GLIS3: variants seen among roughly 807,000 people sequenced by gnomAD.
GLIS3 encodes the protein GLIS family zinc finger 3.
In GLIS3, 53 loss-of-function variants were observed where a neutral mutation model predicts 78.6. The ratio of observed to expected loss-of-function variants is 0.67; its 90% CI spans 0.54 to 0.85. The LOEUF (loss-of-function observed/expected upper bound fraction) is 0.85, where lower values mean the gene tolerates loss of function less well. Among genes scored for constraint, GLIS3 ranks in the 40% least tolerant of loss-of-function variants. The pLI is 0.00. For synonymous variants in GLIS3, 684 were observed against 509.9 expected (o/e 1.34, Z -4.60); for missense variants, 1,703 against 1,231.1 (o/e 1.38, Z -5.74).
chr9:3,885,985 C>T (rs1363747611), intron 7 of GLIS3, among the ~76,000 whole-genome samples: 9 of 152,162 alleles, frequency 5.9e-5, no homozygotes, highest in African/African-American at 1.9e-4. Context: ...TGGACTGTGA[C>T]GAGGATTATA....
intron 4 of GLIS3, among the ~76,000 whole-genome samples, chr9:4,102,519 T>C (rs1280661947): frequency 6.6e-6 from 1 of 152,132 alleles, no homozygotes; most frequent in Non-Finnish European, 1.5e-5. Context: ...TTGTCACTAC[T>C]GAGGGTACAG....
intron 8 of GLIS3, among the ~76,000 whole-genome samples, chr9:3,879,226 A>G (rs549710436): frequency 1.3e-5 from 2 of 152,266 alleles, no homozygotes; most frequent in Non-Finnish European, 2.9e-5. Flanking sequence ...GTATCATTTC[A>G]TTTGTTTTCC....
At chr9:4,102,474 C>A (rs1461629110) in intron 4 of GLIS3, among the ~76,000 whole-genome samples, 1 of 152,160 alleles carries the variant, frequency 6.6e-6, no homozygotes, top group African/African-American at 2.4e-5. Flanking sequence ...CAGTTTTTCT[C>A]CACAGGAGAC....
At chr9:4,314,465 T>C (rs558969744) in intron 2 of GLIS3, among the ~76,000 whole-genome samples, 4 of 152,324 alleles carry the variant, frequency 2.6e-5, no homozygotes, top group African/African-American at 7.2e-5. Context: ...ATGAAGTCAA[T>C]AGGTAAATAC....
At chr9:4,485,145 G>C in the GLIS3 span, among the ~76,000 whole-genome samples, 14 of 152,050 alleles carry the variant, frequency 9.2e-5, no homozygotes, top group East Asian at 2.7e-3. Flanking sequence ...CTCCCGAGTA[G>C]CTGGGATTAC....
chr9:3,865,185 G>C lies in GLIS3; in HGVS notation c.2298-9001C>G, dbSNP rs566261721. ...AACCAAAGACTATTTCTCAGAAAAG[G>C]ACACAAACACAAAAGGTTCATCCAA... On this transcript the variant is annotated intron_variant, in intron 8 of 10. Coordinates refer to ENST00000381971, the MANE Select transcript of GLIS3 (RefSeq NM_001042413.2). Among the ~76,000 whole-genome samples the C allele has an allele frequency of 2.6e-5, 4 of 152,110 alleles. No homozygotes were observed. The East Asian group carries it at 5.8e-4, about 22-fold the overall frequency.
intron 4 of GLIS3, among the ~76,000 whole-genome samples, chr9:3,983,871 T>C (rs940201611): frequency 7.2e-5 from 11 of 152,176 alleles, no homozygotes; most frequent in African/African-American, 2.4e-4. Flanking sequence ...GAAAATGCGA[T>C]AGAAAAGAAA....
the GLIS3 span, among the ~76,000 whole-genome samples, chr9:4,357,807 C>A: frequency 6.6e-6 from 1 of 152,222 alleles, no homozygotes; most frequent in African/African-American, 2.4e-5. Flanking sequence ...ATCAGGGCCA[C>A]CACATTGCAT....
At position 4,261,403 on chromosome 9, in the gene GLIS3, G is replaced by A. The variant is rs181537797; in HGVS notation, c.388+24635C>T. Among the ~76,000 whole-genome samples the A allele has an allele frequency of 3.9e-4, 60 of 152,254 alleles. No homozygotes were observed. The East Asian group carries it at 9.3e-3, about 23-fold the overall frequency. The stretch of plus-strand genomic sequence containing the variant: ...GGAGACAGGGGAGGGTACAGATTAA[G>A]ATAAAAAGAGAACAGAAGGGATGGT... On this transcript the variant is annotated intron_variant, in intron 2 of 10. Coordinates refer to ENST00000381971, the MANE Select transcript of GLIS3 (RefSeq NM_001042413.2).
chr9:4,129,436 G>C (rs1832800493), intron 2 of GLIS3, among the ~76,000 whole-genome samples: 1 of 152,272 alleles, frequency 6.6e-6, no homozygotes, highest in East Asian at 1.9e-4. Flanking sequence ...GAAGGTGATT[G>C]GATCATGGGG....
At chr9:4,475,924 T>C in the GLIS3 span, among the ~76,000 whole-genome samples, 1 of 152,174 alleles carries the variant, frequency 6.6e-6, no homozygotes, top group East Asian at 1.9e-4. Context: ...GTTTTATTTT[T>C]TTGAAATACA....
rs921449337 is a variant in GLIS3 at position 4,286,538 on chromosome 9, A to G, written c.-98-15T>C. 8 of 1,275,436 alleles carry G rather than the reference A, an allele frequency of 6.3e-6. No homozygotes were observed. The highest frequency in any genetic ancestry group is 7.8e-6 in the Non-Finnish European group (7 of 901,262). 79.0% of individuals were successfully genotyped at this position (1,275,436 alleles called of 1,614,324 possible). On this transcript the variant is annotated splice_polypyrimidine_tract_variant and intron_variant, in intron 1 of 10. Transcript: ENST00000381971. The stretch of plus-strand genomic sequence containing the variant: ...GGGTTATAAGCCTGTTTAAAAAAAT[A>G]AACGCAGGCATTTTTAAAAGCAAAA...
chr9:4,056,486 G>C (rs1826164180), intron 4 of GLIS3, among the ~76,000 whole-genome samples: 1 of 152,170 alleles, frequency 6.6e-6, no homozygotes, highest in African/African-American at 2.4e-5. Flanking sequence ...ACCTTTGGGA[G>C]AGGTAACAAA....
intron 9 of GLIS3, among the ~76,000 whole-genome samples, chr9:3,854,970 T>A (rs10973836): frequency 0.42 from 63,325 of 152,032 alleles, 13,737 homozygotes; most frequent in South Asian, 0.47. Flanking sequence ...CCCATTAATT[T>A]CAAGTATAAC....
At chr9:4,338,381 C>CACACAT in intron 2 of GLIS3, among the ~76,000 whole-genome samples, 1 of 123,592 alleles carries the variant, frequency 8.1e-6, no homozygotes, top group East Asian at 2.3e-4. Context: ...CACACACACA[C>CACACAT]ACACACATAC....
intron 2 of GLIS3, among the ~76,000 whole-genome samples, chr9:4,345,856 C>G (rs1194350821): frequency 6.6e-6 from 1 of 152,118 alleles, no homozygotes; most frequent in African/African-American, 2.4e-5. Flanking sequence ...AATGACACGT[C>G]TTTTTTTCTT....
chr9:4,137,923 G>C (rs1287898233), intron 2 of GLIS3, among the ~76,000 whole-genome samples: 1 of 152,218 alleles, frequency 6.6e-6, no homozygotes, highest in East Asian at 1.9e-4. Flanking sequence ...CCCAGGGGAA[G>C]TAAGCAGATA....
chr9:4,416,252 TAAAAAAAAA>T, the GLIS3 span, among the ~76,000 whole-genome samples: 189 of 75,840 alleles, frequency 2.5e-3, no homozygotes, highest in South Asian at 0.01. Flanking sequence ...ACACTGTTTT[TAAAAAAAAA>T]AAAAAAAAAA....
intron 2 of GLIS3, among the ~76,000 whole-genome samples, chr9:4,314,054 G>C (rs1001551758): frequency 2.0e-5 from 3 of 152,166 alleles, no homozygotes; most frequent in African/African-American, 7.2e-5. Flanking sequence ...GCCAACTCTA[G>C]CGTTTATTAG....
Sources: gnomAD v4.1 joint callset for allele counts (sites outside exome capture counted in the v4.1 genomes callset) on GRCh38, gnomAD v4.1.1 for gene constraint, MANE v1.5 for transcripts, NCBI Gene and HGNC (gene_info 2026-07-23, HGNC 2026-07-21) for gene names.